The following MTUS2 variants were observed in gnomAD, a reference collection of about 807,000 sequenced individuals.
The protein encoded by MTUS2 is microtubule-associated tumor suppressor candidate 2.
MTUS2 carries 40 observed loss-of-function variants against 114.1 expected under a neutral mutation model. The observed-to-expected ratio is 0.35, with a 90% confidence interval of 0.27 to 0.46. The LOEUF is 0.46. Ranked by LOEUF, MTUS2 falls within the 20% of genes least tolerant of loss-of-function variation. The pLI, the probability that MTUS2 is intolerant of heterozygous loss-of-function variation, is 1.00. For missense variants in MTUS2, 1,679 were observed against 1,705.4 expected (o/e 0.98, Z 0.27); for synonymous variants, 688 against 672.0 (o/e 1.02, Z -0.37).
intron 9 of MTUS2, among the ~76,000 whole-genome samples, chr13:29,449,554 A>G (rs1878538578): frequency 6.6e-6 from 1 of 152,234 alleles, no homozygotes; most frequent in South Asian, 2.1e-4. Context: ...AGGGTCAGAA[A>G]GAGTAAGTGA....
chr13:28,959,968 T>C (rs1280704510), intron 2 of MTUS2, among the ~76,000 whole-genome samples: 2 of 152,134 alleles, frequency 1.3e-5, no homozygotes, highest in Non-Finnish European at 2.9e-5. Flanking sequence ...ATGCAAAATG[T>C]CCAGTTTTCA....
At chr13:29,046,847 A>T (rs1887644599) in intron 4 of MTUS2, among the ~76,000 whole-genome samples, 1 of 152,036 alleles carries the variant, frequency 6.6e-6, no homozygotes. Context: ...CTAACTTTCT[A>T]CAGACACCCC....
At chr13:29,334,695 C>T (rs930237715) in intron 7 of MTUS2, among the ~76,000 whole-genome samples, 1 of 152,046 alleles carries the variant, frequency 6.6e-6, no homozygotes, top group African/African-American at 2.4e-5. Context: ...GTGCTCTTCT[C>T]GAGGAGTATC....
intron 9 of MTUS2, among the ~76,000 whole-genome samples, chr13:29,453,835 G>A (rs192306128): frequency 3.9e-5 from 6 of 152,320 alleles, no homozygotes; most frequent in Admixed American, 1.3e-4. Context: ...CAGGGCCGGT[G>A]TCTGGGATAT....
chr13:29,082,890 A>T (rs1182620020), intron 4 of MTUS2, among the ~76,000 whole-genome samples: 1 of 152,114 alleles, frequency 6.6e-6, no homozygotes, highest in African/African-American at 2.4e-5. Flanking sequence ...GCATGAGAGG[A>T]GGTTACTAAA....
chr13:28,895,496 T>TA (rs1238543570), intron 2 of MTUS2, among the ~76,000 whole-genome samples: 4 of 152,238 alleles, frequency 2.6e-5, no homozygotes, highest in Non-Finnish European at 5.9e-5. Flanking sequence ...ATTAGAGAGT[T>TA]ACATTCATTC....
chr13:29,124,147 A>G (rs560561535), intron 5 of MTUS2, among the ~76,000 whole-genome samples: 1 of 152,350 alleles, frequency 6.6e-6, no homozygotes, highest in South Asian at 2.1e-4. Flanking sequence ...ACAGATATTC[A>G]GGAAACTTCT....
intron 2 of MTUS2, among the ~76,000 whole-genome samples, chr13:28,973,571 C>T (rs1439600973): frequency 1.3e-5 from 2 of 152,142 alleles, no homozygotes; most frequent in Non-Finnish European, 2.9e-5. Flanking sequence ...TGCAGGGCTC[C>T]CTCCTATTTT....
Position 29,026,274 on chromosome 13 carries a change from G to A in MTUS2, c.1576G>A (p.Ala526Thr), listed in dbSNP as rs1886540820. 2 of 1,613,926 alleles carry A rather than the reference G, an allele frequency of 1.2e-6. No individual in the cohort carries two copies. The highest frequency in any genetic ancestry group is 1.7e-6 in the Non-Finnish European group (2 of 1,179,876). The change falls in exon 3 of 16, where the codon GCA becomes ACA. Residue 526 changes from alanine (A) to threonine (T), a missense_variant. This residue lies in a region of MTUS2 where 843 missense variants were observed against 770.8 expected (regional missense o/e 1.09). Transcript: ENST00000612955. ...ADKIESTSAR[A>T]DSVLNIPAPL... The stretch of plus-strand genomic sequence containing the variant: ...TAAGATTGAAAGCACCTCAGCAAGA[G>A]CAGATTCAGTTCTCAATATTCCAGC...
intron 9 of MTUS2, among the ~76,000 whole-genome samples, chr13:29,473,372 G>T (rs4492908): frequency 0.75 from 114,599 of 152,084 alleles, 45,394 homozygotes; most frequent in Non-Finnish European, 0.88. Context: ...TTATGCAGAA[G>T]ACACTTGGGA....
At chr13:29,352,387 GA>G (rs1271374482) in intron 7 of MTUS2, among the ~76,000 whole-genome samples, 1 of 152,184 alleles carries the variant, frequency 6.6e-6, no homozygotes, top group East Asian at 1.9e-4. Context: ...CAGCTGTTTT[GA>G]TGCCAGCATT....
intron 5 of MTUS2, among the ~76,000 whole-genome samples, chr13:29,102,386 G>C (rs1890459492): frequency 6.6e-6 from 1 of 152,012 alleles, no homozygotes; most frequent in Non-Finnish European, 1.5e-5. Context: ...TAACCTCAAG[G>C]CAAGATGAGC....
intron 2 of MTUS2, among the ~76,000 whole-genome samples, chr13:28,840,569 A>G (rs1410767103): frequency 6.6e-6 from 1 of 152,206 alleles, no homozygotes; most frequent in Non-Finnish European, 1.5e-5. Flanking sequence ...CCATCTTTAA[A>G]TCAGCAAAGT....
chr13:29,312,465 C>T (rs1899812736), intron 6 of MTUS2, among the ~76,000 whole-genome samples: 1 of 152,136 alleles, frequency 6.6e-6, no homozygotes, highest in Admixed American at 6.6e-5. Context: ...TATGAGGACA[C>T]TTAATACTAA....
At chr13:28,923,456 T>G (rs952928608) in intron 2 of MTUS2, among the ~76,000 whole-genome samples, 4 of 152,204 alleles carry the variant, frequency 2.6e-5, no homozygotes, top group Non-Finnish European at 4.4e-5. Context: ...GGCCTACATT[T>G]GTGGGTTGTG....
rs200912496 is a variant in MTUS2, at chr13:29,213,323, C to T, written c.2645-68381C>T. 7.3e-5 allele frequency among the ~76,000 whole-genome samples: 11 copies of T among 150,928 alleles called. No individual in the cohort carries two copies. The East Asian group carries it at 7.9e-4, about 11-fold the overall frequency. ...AAAAACAGTGTCTACTCTGCTGTTT[C>T]TATGTGGAGTGTTCTACAAATGTCA... is the stretch of plus-strand genomic sequence containing the variant. On this transcript the variant is annotated intron_variant, in intron 5 of 15. Coordinates refer to ENST00000612955, the MANE Select transcript of MTUS2 (RefSeq NM_001033602.4).
rs1309084679 is a variant in MTUS2, at chr13:29,505,791, G to C, written c.*2585G>C. The C allele has an allele frequency of 8.7e-6, 2 of 229,512 alleles. No individual in the cohort carries two copies. Among genetic ancestry groups the C allele is most frequent in the African/African-American group, 4.4e-5 (2 of 45,068 alleles). The allele number at this position is 229,512 out of a possible 1,614,324, so 14.2% of individuals were successfully genotyped here. Reference sequence around the variant, plus strand: ...CCTGCCCACCACATGCTGGGACAAGGTTCTGGCTGGATGTCAGAATGGATG... The same window carrying C: ...CCTGCCCACCACATGCTGGGACAAGCTTCTGGCTGGATGTCAGAATGGATG... On this transcript the variant is annotated 3_prime_UTR_variant, in exon 16 of 16. Coordinates refer to ENST00000612955, the MANE Select transcript of MTUS2 (RefSeq NM_001033602.4).
intron 6 of MTUS2, among the ~76,000 whole-genome samples, chr13:29,313,790 G>A (rs1899873517): frequency 6.6e-6 from 1 of 152,126 alleles, no homozygotes; most frequent in Non-Finnish European, 1.5e-5. Flanking sequence ...GGGAAAAGGA[G>A]AAGGCACCAA....
chr13:29,478,238 C>T (rs955377203), intron 9 of MTUS2, among the ~76,000 whole-genome samples: 3 of 152,196 alleles, frequency 2.0e-5, no homozygotes, highest in African/African-American at 7.2e-5. Flanking sequence ...ATCGGAGTAA[C>T]TCGTGAAACT....
Sources: gnomAD v4.1 joint callset for allele counts (sites outside exome capture counted in the v4.1 genomes callset) on GRCh38, gnomAD v4.1.1 for gene constraint, gnomAD v4.1.1 regional missense constraint, MANE v1.5 for transcripts, NCBI Gene and HGNC (gene_info 2026-07-23, HGNC 2026-07-21) for gene names.